DPYD: variants seen among roughly 807,000 people sequenced by gnomAD.
The protein encoded by DPYD is dihydropyrimidine dehydrogenase [NADP(+)].
A neutral mutation model predicts 116.2 loss-of-function variants in DPYD; 109 were observed. That is an observed-to-expected ratio of 0.94 (90% CI 0.80 to 1.10). The LOEUF is 1.10. Ranked by LOEUF, DPYD falls within the 50% of genes least tolerant of loss-of-function variation. The pLI is 0.00. For synonymous variants in DPYD, 440 were observed against 432.0 expected (o/e 1.02, Z -0.23); for missense variants, 1,302 against 1,254.5 (o/e 1.04, Z -0.57).
At chr1:97,340,230 G>A (rs773825314) in intron 16 of DPYD, among the ~76,000 whole-genome samples, 5 of 151,808 alleles carry the variant, frequency 3.3e-5, no homozygotes, top group Non-Finnish European at 5.9e-5. Flanking sequence ...ATGCAGGAAT[G>A]GAAATATTAA....
At chr1:97,813,375 A>T (rs998232356) in intron 3 of DPYD, among the ~76,000 whole-genome samples, 3 of 152,304 alleles carry the variant, frequency 2.0e-5, no homozygotes, top group African/African-American at 7.2e-5. Context: ...ATCTAAGAGG[A>T]TGAAGAAATG....
intron 18 of DPYD, among the ~76,000 whole-genome samples, chr1:97,257,533 ATG>A (rs1464288558): frequency 6.6e-6 from 1 of 151,138 alleles, no homozygotes; most frequent in African/African-American, 2.4e-5. Context: ...GCATATGTAT[ATG>A]TGTGTGTATA....
chr1:97,292,797 A>C (rs972719567), intron 18 of DPYD, among the ~76,000 whole-genome samples: 6 of 152,000 alleles, frequency 3.9e-5, no homozygotes, highest in South Asian at 2.1e-4. Flanking sequence ...GCTTGCTATT[A>C]AAACAAGGGT....
chr1:97,685,178 G>T (rs1424328910), intron 7 of DPYD, among the ~76,000 whole-genome samples: 2 of 152,114 alleles, frequency 1.3e-5, no homozygotes, highest in Admixed American at 1.3e-4. Flanking sequence ...TAGGTGCAAG[G>T]CTGGTTCAAC....
At chr1:97,638,621 T>A (rs1006651537) in intron 8 of DPYD, among the ~76,000 whole-genome samples, 1 of 152,106 alleles carries the variant, frequency 6.6e-6, no homozygotes, top group African/African-American at 2.4e-5. Context: ...AGAAAAGAAG[T>A]TTATTTGCCA....
chr1:97,335,236 T>C (rs962882412), intron 16 of DPYD, among the ~76,000 whole-genome samples: 6 of 151,280 alleles, frequency 4.0e-5, no homozygotes, highest in African/African-American at 1.5e-4. Context: ...ACTAAGCTCA[T>C]CAAATTCCTG....
rs368885930 is a variant in DPYD, at chr1:97,833,253, C to T, written c.151-5057G>A. Among the ~76,000 whole-genome samples, 27 of 152,024 alleles carry T rather than the reference C, an allele frequency of 1.8e-4. No individual in the cohort carries two copies. In the East Asian group the frequency reaches 4.2e-3, roughly 24 times the overall value. On this transcript the variant is annotated intron_variant, in intron 2 of 22. Transcript: ENST00000370192. ...TCTCAGAATTACTAAGTAACAAAGGCTCGAGTTAATGAATTAAATTTCAGT... is the reference window on the plus strand; with the variant it reads ...TCTCAGAATTACTAAGTAACAAAGGTTCGAGTTAATGAATTAAATTTCAGT...
intron 8 of DPYD, among the ~76,000 whole-genome samples, chr1:97,608,374 GTGT>G (rs1247485444): frequency 6.6e-6 from 1 of 151,956 alleles, no homozygotes; most frequent in Non-Finnish European, 1.5e-5. Context: ...AACAATGGAG[GTGT>G]TGTTTTTCTA....
intron 13 of DPYD, among the ~76,000 whole-genome samples, chr1:97,492,772 G>A (rs1679042293): frequency 6.6e-6 from 1 of 151,910 alleles, no homozygotes; most frequent in South Asian, 2.1e-4. Context: ...CAAAAAAATG[G>A]AAACTCTTTG....
chr1:97,755,283 A>G (rs1480893571), intron 3 of DPYD, among the ~76,000 whole-genome samples: 1 of 152,176 alleles, frequency 6.6e-6, no homozygotes, highest in African/African-American at 2.4e-5. Context: ...ACCCTGGGGT[A>G]TAAAATCCAG....
chr1:97,810,531 C>T (rs1668304258), intron 3 of DPYD, among the ~76,000 whole-genome samples: 1 of 152,094 alleles, frequency 6.6e-6, no homozygotes, highest in South Asian at 2.1e-4. Flanking sequence ...CCCTATCCAT[C>T]CAGTTACACC....
chr1:97,207,127 G>A (rs1050731334), intron 19 of DPYD, among the ~76,000 whole-genome samples: 2 of 151,988 alleles, frequency 1.3e-5, no homozygotes, highest in African/African-American at 4.8e-5. Context: ...TTCAATGGAT[G>A]AATACATGAA....
At chr1:97,315,347 C>A (rs1341109863) in intron 16 of DPYD, among the ~76,000 whole-genome samples, 3 of 151,880 alleles carry the variant, frequency 2.0e-5, no homozygotes, top group Admixed American at 6.6e-5. Context: ...CTAGCTATTT[C>A]CGGTGAATGT....
intron 8 of DPYD, among the ~76,000 whole-genome samples, chr1:97,622,085 T>G (rs1407447432): frequency 1.3e-5 from 2 of 152,104 alleles, no homozygotes; most frequent in African/African-American, 4.8e-5. Context: ...AGATACTCTA[T>G]TCTCAAGGAA....
At chr1:97,350,210 T>G (rs528298010) in intron 16 of DPYD, among the ~76,000 whole-genome samples, 101 of 152,180 alleles carry the variant, frequency 6.6e-4, no homozygotes, top group African/African-American at 2.2e-3. Context: ...GAATTAAACT[T>G]TATTGTAATA....
intron 13 of DPYD, among the ~76,000 whole-genome samples, chr1:97,501,344 T>G (rs1570848292): frequency 6.6e-6 from 1 of 152,176 alleles, no homozygotes; most frequent in East Asian, 1.9e-4. Flanking sequence ...TACCCCCGAT[T>G]GGCTCTGCCT....
chr1:97,565,507 T>C (rs527292986), intron 11 of DPYD, among the ~76,000 whole-genome samples: 1 of 152,270 alleles, frequency 6.6e-6, no homozygotes, highest in Admixed American at 6.5e-5. Context: ...TACCCTTATG[T>C]AACCACACAC....
chr1:97,862,444 C>T (rs1671165704), intron 2 of DPYD, among the ~76,000 whole-genome samples: 1 of 151,724 alleles, frequency 6.6e-6, no homozygotes, highest in East Asian at 1.9e-4. Flanking sequence ...AAAAGAAAAG[C>T]CACAATAATA....
At chr1:97,700,231 C>G in intron 5 of DPYD, 1 of 455,798 alleles carries the variant, frequency 2.2e-6, no homozygotes, top group Non-Finnish European at 4.4e-6. Flanking sequence ...AACCACAGCT[C>G]AGAAAAGAGA....
Sources: allele counts gnomAD v4.1 joint callset (sites outside exome capture counted in the v4.1 genomes callset), GRCh38; gene constraint gnomAD v4.1.1; transcripts MANE v1.5; gene names NCBI Gene and HGNC (gene_info 2026-07-23, HGNC 2026-07-21).